Variants in GSK3B observed in about 807,000 individuals in gnomAD.
GSK3B encodes the protein glycogen synthase kinase 3 beta.
A neutral mutation model predicts 56.4 loss-of-function variants in GSK3B; 15 were observed. The observed-to-expected ratio is 0.27, with a 90% CI of 0.18 to 0.41. The LOEUF (loss-of-function observed/expected upper bound fraction) is 0.41. Ranked by LOEUF, GSK3B falls within the 10% of genes least tolerant of loss-of-function variation. GSK3B has a pLI of 1.00. For missense variants in GSK3B, 300 were observed against 513.4 expected, an observed-to-expected ratio of 0.58 and a Z score of 4.02; for synonymous variants, 181 against 188.9, an observed-to-expected ratio of 0.96 and a Z score of 0.34.
At chr3:119,913,825 A>G (rs552910044) in intron 5 of GSK3B, among the ~76,000 whole-genome samples, 1 of 152,154 alleles carries the variant, frequency 6.6e-6, no homozygotes, top group East Asian at 1.9e-4. Context: ...TTTGTTTTTT[A>G]ACCCTCTCCC....
At chr3:120,005,543 C>A (rs2057719266) in intron 1 of GSK3B, among the ~76,000 whole-genome samples, 1 of 152,134 alleles carries the variant, frequency 6.6e-6, no homozygotes, top group South Asian at 2.1e-4. Flanking sequence ...GGGTTACCCA[C>A]AAAGGGAAGG....
intron 5 of GSK3B, 56 bp downstream of exon 5, chr3:119,915,988 G>T: frequency 8.1e-7 from 1 of 1,232,768 alleles, no homozygotes; most frequent in Non-Finnish European, 1.2e-6. Context: ...TTTAAAAGAA[G>T]ATAGTAGGGG....
At chr3:119,903,987 T>G (rs941959027) in intron 7 of GSK3B, among the ~76,000 whole-genome samples, 1 of 152,154 alleles carries the variant, frequency 6.6e-6, no homozygotes, top group Admixed American at 6.6e-5. Flanking sequence ...ATCAATTTGA[T>G]GATTAGAAAG....
intron 4 of GSK3B, among the ~76,000 whole-genome samples, chr3:119,918,905 T>C (rs1416766925): frequency 6.6e-6 from 1 of 152,188 alleles, no homozygotes; most frequent in African/African-American, 2.4e-5. Context: ...CTCTGTGCCA[T>C]AATATCTGAA....
chr3:119,984,604 A>G (rs2057496791), intron 2 of GSK3B, among the ~76,000 whole-genome samples: 1 of 152,226 alleles, frequency 6.6e-6, no homozygotes, highest in Non-Finnish European at 1.5e-5. Context: ...CAAATAAACT[A>G]GAAAATCAAG....
intron 1 of GSK3B, among the ~76,000 whole-genome samples, chr3:120,004,575 G>C (rs1441241731): frequency 1.3e-5 from 2 of 152,162 alleles, no homozygotes; most frequent in Non-Finnish European, 2.9e-5. Context: ...CCAGAGGAAG[G>C]ATCAGGCAGC....
At chr3:119,828,194 A>C (rs1489286484) in intron 10 of GSK3B, among the ~76,000 whole-genome samples, 1 of 152,218 alleles carries the variant, frequency 6.6e-6, no homozygotes, top group Non-Finnish European at 1.5e-5. Flanking sequence ...CTAATCTTTT[A>C]GAAATACGTA....
rs1559795368 is a variant in GSK3B, at chr3:119,823,072, A to G, written c.*3716T>C. On this transcript the variant is annotated 3_prime_UTR_variant, in exon 11 of 11. Coordinates refer to ENST00000264235, the MANE Select transcript of GSK3B (RefSeq NM_001146156.2). ...CTTAAAAAAAATGACACAGCATGTC[A>G]CTGGAAAGAAGGTGCAGTCTTCTGC... is the stretch of plus-strand genomic sequence containing the variant. The G allele has an allele frequency of 4.4e-6, 1 of 229,418 alleles. No individual in the cohort carries two copies. The highest frequency in any genetic ancestry group is 8.6e-6 in the Non-Finnish European group (1 of 115,684). 14.2% of individuals were successfully genotyped at this position (229,418 alleles called of 1,614,324 possible).
chr3:119,952,194 G>A (rs183647836), intron 2 of GSK3B, among the ~76,000 whole-genome samples: 2 of 152,092 alleles, frequency 1.3e-5, no homozygotes, highest in South Asian at 2.1e-4. Context: ...AAACCATGAA[G>A]ATCAATGAAC....
intron 3 of GSK3B, among the ~76,000 whole-genome samples, chr3:119,943,102 C>T (rs1330271034): frequency 1.3e-5 from 2 of 152,144 alleles, no homozygotes; most frequent in Non-Finnish European, 2.9e-5. Context: ...AGGATAAAAG[C>T]TGATTATCCA....
At chr3:119,863,970 T>A (rs549630209) in intron 8 of GSK3B, among the ~76,000 whole-genome samples, 2 of 152,344 alleles carry the variant, frequency 1.3e-5, no homozygotes, top group South Asian at 4.1e-4. Context: ...AAAGATTGCC[T>A]CTTTTGCATT....
intron 10 of GSK3B, among the ~76,000 whole-genome samples, chr3:119,827,587 A>AT (rs2055532373): frequency 1.7e-5 from 2 of 115,098 alleles, no homozygotes; most frequent in Admixed American, 2.0e-4. Flanking sequence ...ACCGTCTTTA[A>AT]AAAAAAAAAA....
intron 8 of GSK3B, among the ~76,000 whole-genome samples, chr3:119,867,817 G>A (rs1281413898): frequency 1.3e-5 from 2 of 151,974 alleles, no homozygotes; most frequent in African/African-American, 2.4e-5. Context: ...AATAATCCGC[G>A]GATTACTTTT....
At chr3:120,066,338 C>G (rs1020786840) in intron 1 of GSK3B, among the ~76,000 whole-genome samples, 1 of 151,800 alleles carries the variant, frequency 6.6e-6, no homozygotes, top group Non-Finnish European at 1.5e-5. Flanking sequence ...TCTTGTCATA[C>G]TAGAAAACAG....
At chr3:119,982,228 G>A (rs761543186) in intron 2 of GSK3B, among the ~76,000 whole-genome samples, 9 of 152,146 alleles carry the variant, frequency 5.9e-5, no homozygotes, top group African/African-American at 9.7e-5. Context: ...ATCAAAGAAC[G>A]AAGGTAGATA....
chr3:120,068,082 T>C (rs1348410097), intron 1 of GSK3B, among the ~76,000 whole-genome samples: 1 of 152,160 alleles, frequency 6.6e-6, no homozygotes, highest in Non-Finnish European at 1.5e-5. Context: ...CATCATATGA[T>C]GTCTGAAATT....
intron 2 of GSK3B, among the ~76,000 whole-genome samples, chr3:119,950,310 C>A (rs2057145156): frequency 6.6e-6 from 1 of 152,016 alleles, no homozygotes; most frequent in Non-Finnish European, 1.5e-5. Context: ...CATAAGGAAG[C>A]CGGAGAAAAC....
At chr3:120,058,458 C>T (rs1172314519) in intron 1 of GSK3B, among the ~76,000 whole-genome samples, 1 of 151,894 alleles carries the variant, frequency 6.6e-6, no homozygotes, top group Non-Finnish European at 1.5e-5. Flanking sequence ...TAATTAGTTG[C>T]TAATTTTGGA....
intron 7 of GSK3B, among the ~76,000 whole-genome samples, chr3:119,889,593 C>T (rs2056478625): frequency 6.6e-6 from 1 of 151,924 alleles, no homozygotes. Context: ...ATAAAAACCA[C>T]TGATTTAATC....
Sources: gnomAD v4.1 joint callset for allele counts (sites outside exome capture counted in the v4.1 genomes callset) on GRCh38, gnomAD v4.1.1 for gene constraint, MANE v1.5 for transcripts, NCBI Gene and HGNC (gene_info 2026-07-23, HGNC 2026-07-21) for gene names.